The following PTPRO variants were observed in gnomAD, a reference collection of about 807,000 sequenced individuals.
PTPRO encodes the protein receptor-type tyrosine-protein phosphatase O.
In PTPRO, 62 loss-of-function variants were observed where a neutral mutation model predicts 145.2. That is an observed-to-expected ratio of 0.43 (90% confidence interval 0.35 to 0.53). The LOEUF (loss-of-function observed/expected upper bound fraction) is 0.53. PTPRO is among the 20% of genes least tolerant of loss of function. The pLI is 0.01. For missense variants in PTPRO, 1,345 were observed against 1,482.7 expected (o/e 0.91, Z 1.53); for synonymous variants, 565 against 514.7 (o/e 1.10, Z -1.32).
At chr12:15,360,389 A>C (rs1277462650) in intron 1 of PTPRO, among the ~76,000 whole-genome samples, 1 of 152,118 alleles carries the variant, frequency 6.6e-6, no homozygotes, top group Non-Finnish European at 1.5e-5. Context: ...ATAGTGATAC[A>C]CTCTGTCTCC....
intron 1 of PTPRO, among the ~76,000 whole-genome samples, chr12:15,390,531 C>T (rs1939159557): frequency 6.6e-6 from 1 of 151,900 alleles, no homozygotes; most frequent in African/African-American, 2.4e-5. Flanking sequence ...CCAGTGGGTC[C>T]CTCCCACAAC....
intron 15 of PTPRO, among the ~76,000 whole-genome samples, chr12:15,553,110 C>G (rs1362591034): frequency 6.6e-6 from 1 of 151,980 alleles, no homozygotes; most frequent in Non-Finnish European, 1.5e-5. Context: ...TCCTTGAGAT[C>G]GAATCTTGAC....
At chr12:15,544,865 G>A (rs1288296266) in intron 12 of PTPRO, among the ~76,000 whole-genome samples, 4 of 152,162 alleles carry the variant, frequency 2.6e-5, no homozygotes, top group African/African-American at 9.7e-5. Context: ...CTGGAGGACT[G>A]GACAATTCAT....
In PTPRO at chr12:15,589,444, T is replaced by A. The variant is rs368825739; in HGVS notation, c.3411-11T>A. 22 of 1,613,654 alleles carry A rather than the reference T, an allele frequency of 1.4e-5. No homozygotes were observed. The highest frequency in any genetic ancestry group is 1.7e-5 in the Non-Finnish European group (20 of 1,179,906). ...ATCTGAATAATATGCCATCGGAACA[T>A]TCTTTTGCAGTGCTGGCGTGGGACG... On this transcript the variant is annotated splice_polypyrimidine_tract_variant and intron_variant, in intron 24 of 26. Transcript: ENST00000281171.
chr12:15,453,565 A>T (rs1941100583), intron 1 of PTPRO, among the ~76,000 whole-genome samples: 1 of 152,222 alleles, frequency 6.6e-6, no homozygotes, highest in African/African-American at 2.4e-5. Flanking sequence ...TCTAGCAAAT[A>T]CTACCTTGTT....
At chr12:15,512,407 G>A (rs1008345858) in intron 7 of PTPRO, among the ~76,000 whole-genome samples, 6 of 152,070 alleles carry the variant, frequency 3.9e-5, no homozygotes, top group South Asian at 2.1e-4. Flanking sequence ...GAGCCACTGC[G>A]CCCAGCCTGG....
chr12:15,577,035 G>A (rs1944201762), intron 19 of PTPRO, among the ~76,000 whole-genome samples: 1 of 152,060 alleles, frequency 6.6e-6, no homozygotes, highest in Non-Finnish European at 1.5e-5. Context: ...GAAAAATAGA[G>A]TCAACCTTTG....
chr12:15,463,468 A>G (rs1034614053), intron 1 of PTPRO, among the ~76,000 whole-genome samples: 1 of 152,224 alleles, frequency 6.6e-6, no homozygotes, highest in Non-Finnish European at 1.5e-5. Flanking sequence ...TAACATAGTC[A>G]TAGAAGAAAA....
At chr12:15,418,945 G>A (rs990153538) in intron 1 of PTPRO, among the ~76,000 whole-genome samples, 6 of 151,624 alleles carry the variant, frequency 4.0e-5, no homozygotes, top group Non-Finnish European at 8.8e-5. Flanking sequence ...TAGAAAAATT[G>A]TGACACTTTT....
At chr12:15,563,860 G>C (rs552449011) in intron 17 of PTPRO, among the ~76,000 whole-genome samples, 1 of 152,222 alleles carries the variant, frequency 6.6e-6, no homozygotes, top group South Asian at 2.1e-4. Flanking sequence ...GCAGCCTCCT[G>C]ACTTTACCAG....
At chr12:15,579,219 G>T (rs751981514) in intron 20 of PTPRO, among the ~76,000 whole-genome samples, 2 of 152,160 alleles carry the variant, frequency 1.3e-5, no homozygotes, top group Non-Finnish European at 2.9e-5. Flanking sequence ...TCAAATTGGG[G>T]ATTGGATCAT....
Position 15,546,678 on chromosome 12 carries a change from A to G in PTPRO, c.2274A>G (p.Gln758=), listed in dbSNP as rs774358393. The change falls in exon 13 of 27, where the codon CAA becomes CAG. Residue 758 remains glutamine, a synonymous_variant. Transcript: ENST00000281171. ...ATTTCTTTGAAGTTTTCTGTCAACAAGTTGGCTCCAGTCAGAAAACCAAAC... is the reference window on the plus strand; with the variant it reads ...ATTTCTTTGAAGTTTTCTGTCAACAGGTTGGCTCCAGTCAGAAAACCAAAC... ...VADFFEVFCQ[Q]VGSSQKTKLQ... The G allele has an allele frequency of 4.2e-5, 67 of 1,613,892 alleles. 1 individual carries two copies. The South Asian group carries it at 6.1e-4, about 15-fold the overall frequency.
intron 1 of PTPRO, among the ~76,000 whole-genome samples, chr12:15,374,899 C>T (rs187791331): frequency 7.2e-4 from 109 of 152,226 alleles, no homozygotes; most frequent in Middle Eastern, 3.4e-3. Context: ...CCAAAGAGTG[C>T]CCCAGTCCCT....
intron 1 of PTPRO, among the ~76,000 whole-genome samples, chr12:15,329,235 G>A (rs1261853275): frequency 6.6e-6 from 1 of 152,282 alleles, no homozygotes; most frequent in East Asian, 1.9e-4. Context: ...GACCAATTAT[G>A]AGCCTGCTGT....
intron 12 of PTPRO, among the ~76,000 whole-genome samples, chr12:15,529,774 T>C (rs1190082360): frequency 6.6e-6 from 1 of 152,110 alleles, no homozygotes; most frequent in East Asian, 1.9e-4. Flanking sequence ...AATTAATACA[T>C]AACACTTAAT....
chr12:15,546,290 A>G, intron 12 of PTPRO: 1 of 1,187,242 alleles, frequency 8.4e-7, no homozygotes, highest in South Asian at 2.0e-5. Context: ...TGACACAGAA[A>G]CTATTAATAG....
At chr12:15,360,552 A>G (rs1442383342) in intron 1 of PTPRO, among the ~76,000 whole-genome samples, 1 of 152,038 alleles carries the variant, frequency 6.6e-6, no homozygotes, top group African/African-American at 2.4e-5. Flanking sequence ...GCACCCAAGT[A>G]CGGTTTGAGC....
chr12:15,508,447 C>G, intron 6 of PTPRO, 124 bp from the exon 7 acceptor site: 1 of 1,041,460 alleles, frequency 9.6e-7, no homozygotes, highest in Non-Finnish European at 1.5e-6. Context: ...GCCAGTCCGA[C>G]CGCCAATCTT....
chr12:15,511,591 G>T (rs552091955), intron 7 of PTPRO, among the ~76,000 whole-genome samples: 5 of 152,084 alleles, frequency 3.3e-5, no homozygotes, highest in African/African-American at 9.7e-5. Flanking sequence ...ACGGAGTCTC[G>T]CTCTGCTGCC....
Sources: gnomAD v4.1 joint callset for allele counts (sites outside exome capture counted in the v4.1 genomes callset) on GRCh38, gnomAD v4.1.1 for gene constraint, MANE v1.5 for transcripts, NCBI Gene and HGNC (gene_info 2026-07-23, HGNC 2026-07-21) for gene names.